EPSTI1: variants seen among roughly 807,000 people sequenced by gnomAD.
EPSTI1 encodes the protein epithelial-stromal interaction protein 1.
In EPSTI1, 66 loss-of-function variants were observed where a neutral mutation model predicts 49.9. The ratio of observed to expected loss-of-function variants is 1.32; its 90% CI spans 1.08 to 1.62. EPSTI1 has a LOEUF of 1.62. Ranked by LOEUF, EPSTI1 falls within the 40% of genes most tolerant of loss-of-function variation. The pLI, the probability that EPSTI1 is intolerant of heterozygous loss-of-function variation, is 0.00. For missense variants in EPSTI1, 394 were observed against 365.5 expected (o/e 1.08, Z -0.64); for synonymous variants, 137 against 130.7 (o/e 1.05, Z -0.33).
rs147905912 is a variant in EPSTI1 at position 42,969,100 on chromosome 13, G to A, written c.325C>T (p.Arg109Trp). 1.6e-4 allele frequency: 264 copies of A among 1,614,116 alleles called. 1 individual carries two copies. The African/African-American group carries it at 2.9e-3, about 18-fold the overall frequency. Residue 109 changes from arginine to tryptophan, a missense_variant, in exon 3 of 11, where the codon CGG becomes TGG. Arg to Trp is a moderately radical substitution (Grantham distance 101). Coordinates refer to ENST00000313624, the MANE Select transcript of EPSTI1 (RefSeq NM_033255.5). ...AGCGGCTGTGCTTGCTTACCTAGCC[G>A]TCTGGGCACCAGGTGAACCGGTTTA... ...RAKPVHLVPR[R>W]LGGSQSETEV...
chr13:42,893,707 G>C (rs1209040483), intron 10 of EPSTI1, among the ~76,000 whole-genome samples: 1 of 152,178 alleles, frequency 6.6e-6, no homozygotes, highest in African/African-American at 2.4e-5. Context: ...CTCAGTCCCA[G>C]ATAGGTGCTT....
intron 1 of EPSTI1, among the ~76,000 whole-genome samples, chr13:42,977,637 C>A (rs894254500): frequency 6.6e-6 from 1 of 152,242 alleles, no homozygotes; most frequent in African/African-American, 2.4e-5. Flanking sequence ...AAGTCAGAAG[C>A]AGTCTGGTGC....
chr13:42,960,020 T>C (rs951400386), intron 5 of EPSTI1, among the ~76,000 whole-genome samples: 5 of 69,190 alleles, frequency 7.2e-5, no homozygotes, highest in Non-Finnish European at 8.3e-5. Flanking sequence ...ACTTAAAGCA[T>C]ACAAAGGATG....
intron 5 of EPSTI1, among the ~76,000 whole-genome samples, chr13:42,959,534 C>G (rs899466439): frequency 1.3e-5 from 2 of 152,108 alleles, no homozygotes; most frequent in African/African-American, 4.8e-5. Flanking sequence ...AAGTGTGATC[C>G]CTTAACATGT....
At chr13:42,907,854 C>T (rs1011032778) in intron 8 of EPSTI1, among the ~76,000 whole-genome samples, 1 of 152,088 alleles carries the variant, frequency 6.6e-6, no homozygotes, top group Non-Finnish European at 1.5e-5. Context: ...CTGCTTTATT[C>T]GAATTGACTT....
intron 6 of EPSTI1, among the ~76,000 whole-genome samples, chr13:42,942,228 A>G (rs1159587789): frequency 6.6e-6 from 1 of 152,202 alleles, no homozygotes; most frequent in Non-Finnish European, 1.5e-5. Flanking sequence ...GTAATCAAAT[A>G]TAGCTAGATT....
intron 6 of EPSTI1, among the ~76,000 whole-genome samples, chr13:42,948,786 C>T (rs2153427528): frequency 6.6e-6 from 1 of 152,260 alleles, no homozygotes; most frequent in East Asian, 1.9e-4. Context: ...CTCATAGCAG[C>T]TTCTTATTAC....
chr13:42,921,875 A>C (rs2038009197), intron 7 of EPSTI1, among the ~76,000 whole-genome samples: 1 of 152,196 alleles, frequency 6.6e-6, no homozygotes, highest in Admixed American at 6.5e-5. Context: ...AGAAAAAAAA[A>C]AATCCACAAG....
intron 1 of EPSTI1, among the ~76,000 whole-genome samples, chr13:42,989,032 ATT>A (rs74772535): frequency 8.3e-5 from 8 of 96,122 alleles, no homozygotes; most frequent in Non-Finnish European, 1.1e-4. Flanking sequence ...GATAATTTAA[ATT>A]TTTTTTTTTT....
chr13:42,892,173 G>A (rs1342372706), intron 10 of EPSTI1, among the ~76,000 whole-genome samples: 1 of 152,222 alleles, frequency 6.6e-6, no homozygotes, highest in African/African-American at 2.4e-5. Flanking sequence ...GGGCTAAGAA[G>A]GAGTCTGGAT....
chr13:42,921,263 C>T (rs2037984111), intron 7 of EPSTI1, among the ~76,000 whole-genome samples: 1 of 151,922 alleles, frequency 6.6e-6, no homozygotes, highest in East Asian at 1.9e-4. Flanking sequence ...AGAGAAAATC[C>T]TTCATATAAA....
At chr13:42,967,749 G>A (rs1331384699) in intron 3 of EPSTI1, among the ~76,000 whole-genome samples, 3 of 152,152 alleles carry the variant, frequency 2.0e-5, no homozygotes, top group Non-Finnish European at 4.4e-5. Context: ...GAAGAAGAAC[G>A]AGCAGTCAGT....
chr13:42,987,080 G>A (rs2040098497), intron 1 of EPSTI1, among the ~76,000 whole-genome samples: 2 of 152,076 alleles, frequency 1.3e-5, no homozygotes, highest in South Asian at 4.1e-4. Context: ...TGCGAGTTTT[G>A]TGAGTCACTC....
intron 3 of EPSTI1, among the ~76,000 whole-genome samples, chr13:42,966,199 C>CA (rs2039609287): frequency 2.1e-5 from 1 of 46,950 alleles, no homozygotes; most frequent in Non-Finnish European, 4.7e-5. Flanking sequence ...TCTGCCCGGC[C>CA]GCCACCCCGT....
chr13:42,964,190 G>T, intron 3 of EPSTI1, 51 bp from the exon 4 acceptor site: 1 of 1,456,816 alleles, frequency 6.9e-7, no homozygotes, highest in Non-Finnish European at 9.6e-7. Flanking sequence ...AAGCTGAAAT[G>T]TCAGCCATCG....
At position 42,934,274 on chromosome 13, in the gene EPSTI1, G is replaced by A. The variant is rs539349256; in HGVS notation, c.564-7845C>T. 2.6e-5 allele frequency: 4 copies of A among 153,634 alleles called. No homozygotes were observed. The East Asian group carries it at 7.7e-4, about 30-fold the overall frequency. 9.5% of individuals were successfully genotyped at this position (153,634 alleles called of 1,614,324 possible). A position where few individuals can be genotyped will look rare whatever the true frequency, so the allele number is the denominator to read the frequency against. Reference sequence around the variant, plus strand: ...ATTTCTTCAAGTTTATGAATTCAGTGATGTTTCTAAAGAGGTGAGGTGCTC... The same window carrying A: ...ATTTCTTCAAGTTTATGAATTCAGTAATGTTTCTAAAGAGGTGAGGTGCTC... On this transcript the variant is annotated intron_variant, in intron 6 of 10. Coordinates refer to ENST00000313624, the MANE Select transcript of EPSTI1 (RefSeq NM_033255.5).
At chr13:42,896,169 C>A (rs946658618) in intron 9 of EPSTI1, among the ~76,000 whole-genome samples, 14 of 152,074 alleles carry the variant, frequency 9.2e-5, no homozygotes, top group African/African-American at 3.4e-4. Context: ...AACTTTAGGT[C>A]CCATCGGGCT....
chr13:42,898,303 G>A (rs888903740), intron 9 of EPSTI1, among the ~76,000 whole-genome samples: 2 of 152,196 alleles, frequency 1.3e-5, no homozygotes, highest in African/African-American at 4.8e-5. Context: ...TATATAGCTT[G>A]TGTTGTTGCC....
intron 6 of EPSTI1, among the ~76,000 whole-genome samples, chr13:42,928,023 C>T (rs1010386800): frequency 6.6e-6 from 1 of 152,188 alleles, no homozygotes; most frequent in African/African-American, 2.4e-5. Context: ...TACTGACTGC[C>T]GCTTCTTACC....
Sources: allele counts gnomAD v4.1 joint callset (sites outside exome capture counted in the v4.1 genomes callset), GRCh38; gene constraint gnomAD v4.1.1; transcripts MANE v1.5; gene names NCBI Gene and HGNC (gene_info 2026-07-23, HGNC 2026-07-21).